The following WDR7 variants were observed in gnomAD, a reference collection of about 807,000 sequenced individuals.
WDR7 encodes WD repeat domain 7.
Under a neutral mutation model 169.4 loss-of-function variants are expected in WDR7, and 46 were observed. The ratio of observed to expected loss-of-function variants is 0.27; its 90% CI spans 0.21 to 0.35. The LOEUF is 0.35. Among genes scored for constraint, WDR7 ranks in the 10% least tolerant of loss-of-function variants. The pLI is 1.00. For missense variants in WDR7, 1,534 were observed against 1,859.3 expected, an observed-to-expected ratio of 0.83 and a Z score of 3.22; for synonymous variants, 612 against 666.8, an observed-to-expected ratio of 0.92 and a Z score of 1.27.
intron 20 of WDR7, among the ~76,000 whole-genome samples, chr18:56,822,075 C>T (rs1353807542): frequency 1.3e-5 from 2 of 152,096 alleles, no homozygotes; most frequent in East Asian, 3.9e-4. Context: ...TACAGGTGTG[C>T]TACTGTGTCC....
At chr18:57,005,248 G>A (rs959149342) in intron 26 of WDR7, among the ~76,000 whole-genome samples, 3 of 151,906 alleles carry the variant, frequency 2.0e-5, no homozygotes, top group Non-Finnish European at 4.4e-5. Flanking sequence ...GCAACTAAAT[G>A]TATGTTAAAT....
chr18:56,756,602 C>T lies in WDR7; in HGVS notation c.2009C>T (p.Ser670Phe). 1 of 1,588,520 alleles carries T rather than the reference C, an allele frequency of 6.3e-7. No individual in the cohort carries two copies. Among genetic ancestry groups the T allele is most frequent in the Non-Finnish European group, 8.5e-7 (1 of 1,169,844 alleles). The change falls in exon 15 of 28, where the codon TCT (serine) becomes TTT (phenylalanine). Residue 670 changes from serine to phenylalanine, a missense_variant. By Grantham distance (155) the Ser-to-Phe change is radical. Coordinates refer to ENST00000254442, the MANE Select transcript of WDR7 (RefSeq NM_015285.3). ...TTACAGGGAAATTTACCTAAATATT[C>T]TCATAACTCCCTGATGGTTCAAGCA... Reference protein sequence around the residue: ...ASDKGNLPKYSHNSLMVQAIK... With the variant: ...ASDKGNLPKYFHNSLMVQAIK...
At chr18:56,803,510 T>A (rs1472217703) in intron 19 of WDR7, among the ~76,000 whole-genome samples, 2 of 152,136 alleles carry the variant, frequency 1.3e-5, no homozygotes, top group African/African-American at 2.4e-5. Context: ...ATATCTTATT[T>A]ATAAACATGT....
chr18:56,822,084 C>T (rs2045108892), intron 20 of WDR7, among the ~76,000 whole-genome samples: 1 of 152,126 alleles, frequency 6.6e-6, no homozygotes, highest in African/African-American at 2.4e-5. Context: ...GCTACTGTGT[C>T]CATCTAGTCC....
chr18:57,002,348 C>A (rs1400930639), intron 26 of WDR7, among the ~76,000 whole-genome samples: 2 of 152,010 alleles, frequency 1.3e-5, no homozygotes, highest in African/African-American at 4.8e-5. Context: ...AAATGGATAC[C>A]TATTTTTGCA....
intron 21 of WDR7, among the ~76,000 whole-genome samples, chr18:56,922,714 A>G (rs1157359569): frequency 6.6e-6 from 1 of 152,160 alleles, no homozygotes; most frequent in Non-Finnish European, 1.5e-5. Context: ...TCCATGACTG[A>G]GAAGAAATTC....
chr18:56,659,696 C>T (rs1349289188), intron 1 of WDR7, among the ~76,000 whole-genome samples: 2 of 152,106 alleles, frequency 1.3e-5, no homozygotes, highest in Non-Finnish European at 2.9e-5. Context: ...TGTTTAGTAT[C>T]TTTGAGCAAC....
intron 26 of WDR7, among the ~76,000 whole-genome samples, chr18:56,975,956 T>A (rs1275506019): frequency 2.0e-5 from 3 of 152,208 alleles, no homozygotes; most frequent in Admixed American, 2.0e-4. Flanking sequence ...GTGCATAAAT[T>A]AATACTCTGC....
intron 20 of WDR7, among the ~76,000 whole-genome samples, chr18:56,874,656 C>T (rs1050833950): frequency 3.3e-5 from 5 of 151,996 alleles, no homozygotes; most frequent in African/African-American, 1.2e-4. Context: ...TAAACTTTTA[C>T]GTGAGCAATT....
intron 23 of WDR7, among the ~76,000 whole-genome samples, chr18:56,936,699 T>C (rs1290651897): frequency 6.6e-6 from 1 of 152,170 alleles, no homozygotes; most frequent in African/African-American, 2.4e-5. Context: ...ATAGGCATGC[T>C]GTAAATATTT....
chr18:56,672,398 T>C, intron 1 of WDR7, 99 bp from the exon 2 acceptor site: 1 of 823,800 alleles, frequency 1.2e-6, no homozygotes, highest in South Asian at 3.2e-5. Flanking sequence ...CTCCCAGGAA[T>C]ATATGATTAT....
chr18:56,794,302 C>CTTTTTTTTTTT (rs1217568621), intron 19 of WDR7, among the ~76,000 whole-genome samples: 63 of 29,422 alleles, frequency 2.1e-3, no homozygotes, highest in Non-Finnish European at 4.3e-3. Flanking sequence ...AAGGTAAAGT[C>CTTTTTTTTTTT]TATTTTTTTT....
At chr18:56,995,820 G>T (rs540970225) in intron 26 of WDR7, among the ~76,000 whole-genome samples, 1 of 152,152 alleles carries the variant, frequency 6.6e-6, no homozygotes, top group South Asian at 2.1e-4. Context: ...TCTGAGCTTG[G>T]TGTGATGTGT....
chr18:56,938,433 A>AT, intron 23 of WDR7, 100 bp from the exon 24 acceptor site: 2 of 1,441,094 alleles, frequency 1.4e-6, no homozygotes, highest in Non-Finnish European at 1.8e-6. Flanking sequence ...CAAGAAGTTT[A>AT]TTTTTTTCTA....
At chr18:56,786,605 A>G (rs1042838655) in intron 19 of WDR7, among the ~76,000 whole-genome samples, 1 of 151,996 alleles carries the variant, frequency 6.6e-6, no homozygotes, top group African/African-American at 2.4e-5. Context: ...TGTTTCAGAT[A>G]ATGGTGCTCT....
At chr18:56,803,166 AAT>A (rs1211752490) in intron 19 of WDR7, among the ~76,000 whole-genome samples, 1 of 152,210 alleles carries the variant, frequency 6.6e-6, no homozygotes, top group East Asian at 1.9e-4. Flanking sequence ...AATATTCTCA[AAT>A]AATAAAGTCA....
At position 56,781,070 on chromosome 18, in the gene WDR7, T is replaced by C. The variant is rs189329717; in HGVS notation, c.3067-463T>C. The stretch of plus-strand genomic sequence containing the variant: ...ATCATGTTAACTTATACGTATTTGT[T>C]TGTATAAATAGTATCTACTTAGCAT... On this transcript the variant is annotated intron_variant, in intron 18 of 27. Transcript: ENST00000254442. Among the ~76,000 whole-genome samples the C allele has an allele frequency of 9.2e-5, 14 of 152,200 alleles. No individual in the cohort carries two copies. The East Asian group carries it at 2.7e-3, about 29-fold the overall frequency.
In WDR7 at chr18:56,693,561, G is replaced by GTTTTTTTTTTTTT. The variant is rs1257964211; in HGVS notation, c.967-1047_967-1046insTTTTTTTTTTTTT. Among the ~76,000 whole-genome samples, 10 of 98,756 alleles carry GTTTTTTTTTTTTT rather than the reference G, an allele frequency of 1.0e-4. 2 individuals are homozygous for GTTTTTTTTTTTTT. Among genetic ancestry groups the GTTTTTTTTTTTTT allele is most frequent in the Non-Finnish European group, 9.8e-5 (5 of 51,232 alleles). 64.8% of individuals were successfully genotyped at this position (98,756 alleles called of 152,430 possible). On this transcript the variant is annotated intron_variant, in intron 9 of 27. Transcript: ENST00000254442. ...CAAGCTTGATAGTTCAATTTTGTTGGTTTTTTTTTTTGTTTTTTTTTTTTT... is the reference window on the plus strand; with the variant it reads ...CAAGCTTGATAGTTCAATTTTGTTGGTTTTTTTTTTTTTTTTTTTTTTTTGTTTTTTTTTTTTT...
At chr18:56,838,165 A>G (rs1298964729) in intron 20 of WDR7, among the ~76,000 whole-genome samples, 1 of 152,148 alleles carries the variant, frequency 6.6e-6, no homozygotes, top group Non-Finnish European at 1.5e-5. Context: ...AAGTCTAAGC[A>G]CTCAGCATAT....
Sources: allele counts gnomAD v4.1 joint callset (sites outside exome capture counted in the v4.1 genomes callset), GRCh38; gene constraint gnomAD v4.1.1; transcripts MANE v1.5; gene names NCBI Gene and HGNC (gene_info 2026-07-23, HGNC 2026-07-21).